The following UGGT2 variants were observed in gnomAD, a reference collection of about 807,000 sequenced individuals.
UGGT2 encodes UDP-glucose:glycoprotein glucosyltransferase 2.
UGGT2 carries 180 observed loss-of-function variants against 192.1 expected under a neutral mutation model. The ratio of observed to expected loss-of-function variants is 0.94; its 90% CI spans 0.83 to 1.06. The LOEUF is 1.06. UGGT2 is among the 50% of genes least tolerant of loss of function. UGGT2 has a pLI of 0.00. For missense variants in UGGT2, 1,849 were observed against 1,795.7 expected (o/e 1.03, Z -0.54); for synonymous variants, 580 against 591.0 (o/e 0.98, Z 0.27).
chr13:95,835,933 A>G (rs1044432919), intron 37 of UGGT2, among the ~76,000 whole-genome samples: 14 of 152,230 alleles, frequency 9.2e-5, no homozygotes, highest in African/African-American at 2.9e-4. Flanking sequence ...AAGTAGACAA[A>G]ATTGTCTTGT....
intron 20 of UGGT2, among the ~76,000 whole-genome samples, chr13:95,925,445 T>C (rs944374851): frequency 6.6e-6 from 1 of 152,204 alleles, no homozygotes; most frequent in Non-Finnish European, 1.5e-5. Flanking sequence ...GTGGTATGTG[T>C]ATGTCTGATC....
chr13:95,935,530 G>A (rs1041349943), intron 17 of UGGT2, among the ~76,000 whole-genome samples: 3 of 152,142 alleles, frequency 2.0e-5, no homozygotes, highest in Non-Finnish European at 2.9e-5. Flanking sequence ...CTTCGTATGT[G>A]ATCTGCCTTT....
At chr13:95,911,039 C>A (rs181566284) in intron 20 of UGGT2, among the ~76,000 whole-genome samples, 28 of 152,154 alleles carry the variant, frequency 1.8e-4, no homozygotes, top group Admixed American at 1.3e-3. Context: ...TTGAAACCAA[C>A]GAAAACAAAG....
intron 38 of UGGT2, among the ~76,000 whole-genome samples, chr13:95,811,940 A>G (rs1020818011): frequency 6.6e-6 from 1 of 152,186 alleles, no homozygotes; most frequent in African/African-American, 2.4e-5. Flanking sequence ...GCAGAAAAAG[A>G]AGGAAAAAAG....
intron 17 of UGGT2, among the ~76,000 whole-genome samples, chr13:95,933,682 G>GT (rs1555359664): frequency 3.1e-5 from 2 of 64,214 alleles, no homozygotes; most frequent in Non-Finnish European, 8.4e-5. Flanking sequence ...AAATTTTTTT[G>GT]TTTTTGTTTT....
intron 1 of UGGT2, among the ~76,000 whole-genome samples, chr13:96,048,957 A>G (rs564188877): frequency 4.5e-4 from 69 of 152,188 alleles, no homozygotes; most frequent in Non-Finnish European, 2.9e-5. Context: ...ATACAAAAAA[A>G]GGGAATCCTC....
intron 5 of UGGT2, among the ~76,000 whole-genome samples, chr13:96,001,828 C>T (rs1831085151): frequency 6.6e-6 from 1 of 152,220 alleles, no homozygotes; most frequent in African/African-American, 2.4e-5. Flanking sequence ...ATTTCCTCCT[C>T]AGCCTACTCA....
At chr13:95,910,239 C>A (rs1457348433) in intron 20 of UGGT2, among the ~76,000 whole-genome samples, 2 of 152,066 alleles carry the variant, frequency 1.3e-5, no homozygotes, top group South Asian at 4.1e-4. Flanking sequence ...TTACACATAA[C>A]AATATTAACC....
chr13:95,882,069 C>T (rs747314077), intron 27 of UGGT2, among the ~76,000 whole-genome samples: 21 of 151,966 alleles, frequency 1.4e-4, no homozygotes, highest in South Asian at 2.1e-4. Context: ...TCACCATGCC[C>T]GGCTAATTTT....
intron 20 of UGGT2, among the ~76,000 whole-genome samples, chr13:95,925,039 TAA>T (rs1236603294): frequency 3.3e-5 from 5 of 152,236 alleles, no homozygotes; most frequent in African/African-American, 1.2e-4. Context: ...TATACAGCAA[TAA>T]ATTTATACTT....
chr13:95,931,430 T>C (rs576951618), intron 17 of UGGT2, among the ~76,000 whole-genome samples: 1 of 152,208 alleles, frequency 6.6e-6, no homozygotes, highest in Admixed American at 6.5e-5. Context: ...TCCCGCACCT[T>C]GCACCGGCAC....
intron 12 of UGGT2, among the ~76,000 whole-genome samples, chr13:95,959,248 G>A (rs2050311398): frequency 6.6e-6 from 1 of 152,176 alleles, no homozygotes; most frequent in Non-Finnish European, 1.5e-5. Flanking sequence ...TGCAAACTGT[G>A]TGTGTGTGTT....
intron 27 of UGGT2, among the ~76,000 whole-genome samples, chr13:95,883,425 T>C (rs1230266367): frequency 6.6e-6 from 1 of 152,156 alleles, no homozygotes; most frequent in Non-Finnish European, 1.5e-5. Context: ...CCTCATTTTC[T>C]GGATACCAAG....
intron 38 of UGGT2, among the ~76,000 whole-genome samples, chr13:95,822,459 T>C (rs1885604282): frequency 6.6e-6 from 1 of 152,124 alleles, no homozygotes; most frequent in African/African-American, 2.4e-5. Context: ...TTTAGGGTTT[T>C]CTAGGTAGAT....
chr13:95,983,049 G>A (rs558064154), intron 10 of UGGT2, among the ~76,000 whole-genome samples: 4 of 152,238 alleles, frequency 2.6e-5, no homozygotes, highest in African/African-American at 4.8e-5. Context: ...CCTTTGCTTC[G>A]TTATTAGAAA....
chr13:96,020,741 C>T (rs1234943405), intron 4 of UGGT2, among the ~76,000 whole-genome samples: 2 of 152,102 alleles, frequency 1.3e-5, no homozygotes, highest in African/African-American at 2.4e-5. Context: ...TGGGCCCTTA[C>T]GAACTTCCTC....
chr13:95,828,010 C>T (rs1049666478), intron 38 of UGGT2, among the ~76,000 whole-genome samples: 4 of 152,146 alleles, frequency 2.6e-5, no homozygotes, highest in African/African-American at 7.2e-5. Context: ...GCTCTCCATA[C>T]TCTGGCCCCC....
At chr13:95,949,905 C>CAA (rs1383071066) in intron 12 of UGGT2, among the ~76,000 whole-genome samples, 8 of 152,236 alleles carry the variant, frequency 5.3e-5, no homozygotes, top group Admixed American at 1.3e-4. Context: ...ATCCACTATA[C>CAA]AAGCTGGAGA....
At chr13:95,958,310 C>G (rs1186516803) in intron 12 of UGGT2, among the ~76,000 whole-genome samples, 1 of 152,088 alleles carries the variant, frequency 6.6e-6, no homozygotes, top group Non-Finnish European at 1.5e-5. Context: ...CGCCACCATG[C>G]CCGGCTAATT....
Sources: allele counts gnomAD v4.1 joint callset (sites outside exome capture counted in the v4.1 genomes callset), GRCh38; gene constraint gnomAD v4.1.1; transcripts MANE v1.5; gene names NCBI Gene and HGNC (gene_info 2026-07-23, HGNC 2026-07-21).